Variants in NPAS4 observed in about 807,000 individuals in gnomAD.
NPAS4 encodes the protein neuronal PAS domain-containing protein 4.
Under a neutral mutation model 64.0 loss-of-function variants are expected in NPAS4, and 10 were observed. That is an observed-to-expected ratio of 0.16 (90% CI 0.10 to 0.26). The LOEUF (loss-of-function observed/expected upper bound fraction) is 0.26, where lower values mean the gene tolerates loss of function less well. Among genes scored for constraint, NPAS4 ranks in the 10% least tolerant of loss-of-function variants. NPAS4 has a pLI of 1.00. For synonymous variants in NPAS4, 441 were observed against 411.7 expected (o/e 1.07, Z -0.86); for missense variants, 886 against 992.6 (o/e 0.89, Z 1.44).
intron 3 of NPAS4, 60 bp from the exon 4 acceptor site, chr11:66,422,614 A>T: frequency 1.2e-6 from 2 of 1,600,806 alleles, no homozygotes; most frequent in Non-Finnish European, 1.7e-6. Flanking sequence ...TCTCCCCACC[A>T]TCCACTGTCT....
chr11:66,409,468 G>C, the NPAS4 span: 1 of 151,656 alleles, frequency 6.6e-6, no homozygotes. Flanking sequence ...ACCAGGTGAG[G>C]ACTTCACTAC....
chr11:66,426,147 A>C lies in NPAS4; in HGVS notation c.*158A>C. 1 of 343,338 alleles carries C rather than the reference A, an allele frequency of 2.9e-6. No homozygotes were observed. Among genetic ancestry groups the C allele is most frequent in the Non-Finnish European group, 5.9e-6 (1 of 169,428 alleles). 21.3% of individuals were successfully genotyped at this position (343,338 alleles called of 1,614,324 possible). A position where few individuals can be genotyped will look rare whatever the true frequency, so the allele number is the denominator to read the frequency against. ...AGGATTTTGGGGGGGGGGAGGTGGG[A>C]GGGCAAGGGAGGGGAGCTTCTTTTT... is the stretch of plus-strand genomic sequence containing the variant. On this transcript the variant is annotated 3_prime_UTR_variant, in exon 8 of 8. Transcript: ENST00000311034.
chr11:66,425,109 C>A lies in NPAS4; in HGVS notation c.2219C>A (p.Pro740Gln). The A allele has an allele frequency of 6.2e-7, 1 of 1,604,524 alleles. No homozygotes were observed. The highest frequency in any genetic ancestry group is 8.5e-7 in the Non-Finnish European group (1 of 1,176,604). Reference sequence around the variant, plus strand: ...GAGGCAGAGGGCCCAGGAGGGGCCCCATCGCCTTGCAACAACCTGTCCCCA... The same window carrying A: ...GAGGCAGAGGGCCCAGGAGGGGCCCAATCGCCTTGCAACAACCTGTCCCCA... ...DPEAEGPGGA[P>Q]SPCNNLSPED... The change falls in exon 7 of 8, where the codon CCA becomes CAA. Residue 740 changes from proline to glutamine, a missense_variant. This residue lies in a region of NPAS4 where 820 missense variants were observed against 855.5 expected (regional missense o/e 0.96). Transcript: ENST00000311034.
chr11:66,422,250 C>T lies in NPAS4; in HGVS notation c.306C>T (p.Ser102=), dbSNP rs550481213. ...TGCTCTACCTGTCTGAGAGTGTGAG[C>T]GAGCATCTGGGCCACTCCATGGTGA... ...GKLLYLSESV[S]EHLGHSMVDL... The change falls in exon 2 of 8, where the codon AGC becomes AGT. Residue 102 remains serine (S), a synonymous_variant. Transcript: ENST00000311034. 50 of 1,613,944 alleles carry T rather than the reference C, an allele frequency of 3.1e-5. No individual in the cohort carries two copies. The East Asian group carries it at 3.6e-4, about 12-fold the overall frequency.
chr11:66,423,224 A>T lies in NPAS4; in HGVS notation c.800A>T (p.Tyr267Phe), dbSNP rs745313492. Residue 267 changes from tyrosine to phenylalanine, a missense_variant, in exon 5 of 8, where the codon TAC becomes TTC. Tyr to Phe is a conservative substitution (Grantham distance 22). Transcript: ENST00000311034. ...EDLAHASAQHYRLLAESGDIQ... is the reference protein window; with the variant it reads ...EDLAHASAQHFRLLAESGDIQ... ...CTGGCCCACGCTTCTGCTCAACACT[A>T]CCGCCTGTGTGAGTGTCCAGAGAGG... The T allele has an allele frequency of 6.3e-7, 1 of 1,597,298 alleles. No homozygotes were observed. The highest frequency in any genetic ancestry group is 8.6e-7 in the Non-Finnish European group (1 of 1,167,942).
At chr11:66,422,383 A>G in intron 2 of NPAS4, 68 bp from the exon 3 acceptor site, 1 of 1,475,932 alleles carries the variant, frequency 6.8e-7, no homozygotes, top group Non-Finnish European at 9.5e-7. Context: ...ACCCTACAAG[A>G]TACTGTAGAT....
At chr11:66,415,273 T>G in the NPAS4 span, among the ~76,000 whole-genome samples, 1 of 152,156 alleles carries the variant, frequency 6.6e-6, no homozygotes, top group Non-Finnish European at 1.5e-5. Flanking sequence ...CCCATTGGGC[T>G]TCCCACCTCT....
intron 5 of NPAS4, 92 bp downstream of exon 5, chr11:66,423,324 T>A: frequency 1.0e-6 from 1 of 952,780 alleles, no homozygotes; most frequent in South Asian, 1.4e-5. Context: ...AGAGTGATGC[T>A]GGGGAGATAA....
In NPAS4 at chr11:66,424,236, C is replaced by A; in HGVS notation, c.1346C>A (p.Pro449His). The change falls in exon 7 of 8, where the codon CCC becomes CAC. Residue 449 changes from proline (P) to histidine (H), a missense_variant. By Grantham distance (77) the Pro-to-His change is moderately conservative. Coordinates refer to ENST00000311034, the MANE Select transcript of NPAS4 (RefSeq NM_178864.4). ...SLHEPFQTHL[P>H]TPSSTLQEQL... The stretch of plus-strand genomic sequence containing the variant: ...CATGAGCCCTTCCAGACCCATTTGC[C>A]CACCCCATCCAGCACTCTTCAAGAA... 1.9e-6 allele frequency: 3 copies of A among 1,614,086 alleles called. No individual in the cohort carries two copies. Among genetic ancestry groups the A allele is most frequent in the Non-Finnish European group, 2.5e-6 (3 of 1,180,022 alleles).
chr11:66,425,893 C>T, intron 7 of NPAS4, 68 bp from the exon 8 acceptor site: 2 of 1,197,872 alleles, frequency 1.7e-6, no homozygotes, highest in Non-Finnish European at 2.5e-6. Flanking sequence ...CCAACACATT[C>T]TCAGCCCCAG....
Position 66,424,501 on chromosome 11 carries a change from A to G in NPAS4, c.1611A>G (p.Ala537=). Residue 537 remains alanine, a synonymous_variant, in exon 7 of 8, where the codon GCA becomes GCG. Coordinates refer to ENST00000311034, the MANE Select transcript of NPAS4 (RefSeq NM_178864.4). ...AACAGCTGACTCCTCCCAGCACAGC[A>G]TTCCAAGCACACCTGGACAGCCCCA... ...AHEQLTPPST[A]FQAHLDSPSQ... 1 of 1,614,100 alleles carries G rather than the reference A, an allele frequency of 6.2e-7. No individual in the cohort carries two copies. The highest frequency in any genetic ancestry group is 1.1e-5 in the South Asian group (1 of 91,076).
Position 66,422,899 on chromosome 11 carries a change from G to T in NPAS4, c.656G>T (p.Ser219Ile), listed in dbSNP as rs771785874. The change falls in exon 4 of 8, where the codon AGC becomes ATC. Residue 219 changes from serine to isoleucine, a missense_variant. Ser to Ile is a moderately radical substitution (Grantham distance 142, BLOSUM62 -2). Around this residue, in one of 3 missense-constraint regions of NPAS4, gnomAD observed 820 missense variants for 855.5 expected, o/e 0.96. Transcript: ENST00000311034. ...PASLFLAMFQ[S>I]RHAKDLALLD... ...TCGCTCTTCCTGGCCATGTTCCAGA[G>T]CCGCCATGCTAAAGACCTGGCTCTA... The T allele has an allele frequency of 1.2e-6, 2 of 1,609,226 alleles. No individual in the cohort carries two copies. The highest frequency in any genetic ancestry group is 1.1e-5 in the South Asian group (1 of 91,086).
Position 66,422,200 on chromosome 11 carries a change from C to G in NPAS4, c.256C>G (p.Leu86Val), listed in dbSNP as rs1204378478. 1 of 1,614,012 alleles carries G rather than the reference C, an allele frequency of 6.2e-7. No homozygotes were observed. The highest frequency in any genetic ancestry group is 1.7e-5 in the Admixed American group (1 of 60,002). ...CGTAGCGGCACTACCCGGCTTTCTG[C>G]TTGTGTTCACAGCCGAGGGGAAATT... ...DIVAALPGFLLVFTAEGKLLY... is the reference protein window; with the variant it reads ...DIVAALPGFLVVFTAEGKLLY... The change falls in exon 2 of 8, where the codon CTT (leucine) becomes GTT (valine). Residue 86 changes from leucine (L) to valine (V), a missense_variant. By Grantham distance (32) the Leu-to-Val change is conservative. Transcript: ENST00000311034.
chr11:66,410,429 C>G, the NPAS4 span: 1 of 152,306 alleles, frequency 6.6e-6, no homozygotes, highest in African/African-American at 2.4e-5. Flanking sequence ...GGTGCTTTAA[C>G]AGAGCGTCTG....
At chr11:66,421,942 T>C (rs1170875325) in intron 1 of NPAS4, among the ~76,000 whole-genome samples, 178 bp from the exon 2 acceptor site, 1 of 152,190 alleles carries the variant, frequency 6.6e-6, no homozygotes, top group Non-Finnish European at 1.5e-5. Context: ...TTGTGGGCTA[T>C]GGAGATACAG....
In NPAS4 at chr11:66,425,187, C is replaced by G; in HGVS notation, c.2297C>G (p.Thr766Arg). 6.3e-7 allele frequency: 1 copy of G among 1,580,736 alleles called. No individual in the cohort carries two copies. The change falls in exon 7 of 8, where the codon ACA becomes AGA. Residue 766 changes from threonine (T) to arginine (R), a missense_variant. This residue lies in a region of NPAS4 where 28 missense variants were observed against 57.0 expected (regional missense o/e 0.49). Coordinates refer to ENST00000311034, the MANE Select transcript of NPAS4 (RefSeq NM_178864.4). ...DLATYETAFE[T>R]GVSAFPYDGF... ...GCCACATATGAAACCGCCTTTGAGA[C>G]AGGTGTCTCAGCATTCCCCTATGAT...
chr11:66,424,666 C>A lies in NPAS4; in HGVS notation c.1776C>A (p.Ala592=), dbSNP rs1290740652. The part of the protein sequence containing the change: ...GNGDCTLLAL[A]QLRGPLSVDV... ...GGGACTGCACGCTCTTGGCCCTAGC[C>A]CAGCTCCGGGGCCCCCTCTCTGTGG... The change falls in exon 7 of 8, where the codon GCC becomes GCA. Residue 592 remains alanine (A), a synonymous_variant. Transcript: ENST00000311034. The A allele has an allele frequency of 1.2e-6, 2 of 1,613,686 alleles. No individual in the cohort carries two copies. The highest frequency in any genetic ancestry group is 1.7e-6 in the Non-Finnish European group (2 of 1,179,742).
At chr11:66,420,309 T>C (rs1328904327), upstream of NPAS4, among the ~76,000 whole-genome samples, 1 of 152,218 alleles carries the variant, frequency 6.6e-6, no homozygotes, top group Non-Finnish European at 1.5e-5. Context: ...GAAAACAGGA[T>C]CAACGCCAAA....
intron 7 of NPAS4, 39 bp from the exon 8 acceptor site, chr11:66,425,922 G>T (rs188791011): frequency 1.8e-5 from 27 of 1,534,122 alleles, no homozygotes; most frequent in Non-Finnish European, 2.3e-5. Context: ...GTGCTAATTG[G>T]TCTAACTGAT....
Sources: allele counts gnomAD v4.1 joint callset (sites outside exome capture counted in the v4.1 genomes callset), GRCh38; gene constraint gnomAD v4.1.1; regional missense constraint gnomAD v4.1.1; transcripts MANE v1.5; gene names NCBI Gene and HGNC (gene_info 2026-07-23, HGNC 2026-07-21).